The following BDH1 variants were observed in gnomAD, a reference collection of about 807,000 sequenced individuals.
The protein encoded by BDH1 is 3-hydroxybutyrate dehydrogenase 1.
BDH1 carries 30 observed loss-of-function variants against 33.1 expected under a neutral mutation model. That is an observed-to-expected ratio of 0.91 (90% CI 0.68 to 1.23). The LOEUF is 1.23. BDH1 is among the 50% of genes most tolerant of loss of function. The pLI is 0.00. For missense variants in BDH1, 443 were observed against 464.4 expected, an observed-to-expected ratio of 0.95 and a Z score of 0.42; for synonymous variants, 190 against 183.6, an observed-to-expected ratio of 1.03 and a Z score of -0.28.
chr3:197,527,044 C>T (rs549005018), intron 5 of BDH1, among the ~76,000 whole-genome samples: 17 of 152,342 alleles, frequency 1.1e-4, no homozygotes, highest in African/African-American at 4.1e-4. Flanking sequence ...AGCCAATGAG[C>T]TGATTCTGGC....
chr3:197,519,751 C>T (rs564115922), intron 6 of BDH1, among the ~76,000 whole-genome samples: 9 of 152,214 alleles, frequency 5.9e-5, no homozygotes, highest in African/African-American at 1.2e-4. Context: ...GGCCTGCTCT[C>T]GGGCCCACTG....
rs1712519579 is a variant in BDH1 at position 197,514,853 on chromosome 3, C to G, written c.410-437G>C. 6.6e-6 allele frequency among the ~76,000 whole-genome samples: 1 copy of G among 152,224 alleles called. No homozygotes were observed. Among genetic ancestry groups the G allele is most frequent in the Admixed American group, 6.5e-5 (1 of 15,286 alleles). On this transcript the variant is annotated intron_variant, in intron 6 of 7. Transcript: ENST00000392379. This position sits in a 1 kb window ranked among gnomAD's most constrained non-coding sequence, Gnocchi z 4.2. Reference sequence around the variant, plus strand: ...ACGTCTTCTCTTCTCTTGCCAGAAGCCAGGGAAATCACAGGGGAGGTGGGC... The same window carrying G: ...ACGTCTTCTCTTCTCTTGCCAGAAGGCAGGGAAATCACAGGGGAGGTGGGC...
chr3:197,515,359 G>T lies in BDH1; in HGVS notation c.410-943C>A, dbSNP rs1031473388. The stretch of plus-strand genomic sequence containing the variant: ...TGTCTCCCTGCTCTAGGTCTCACCT[G>T]TGACCTCGCTCAGATGCTAATGACA... On this transcript the variant is annotated intron_variant, in intron 6 of 7. Coordinates refer to ENST00000392379, the MANE Select transcript of BDH1 (RefSeq NM_203314.3). 3 of 985,574 alleles carry T rather than the reference G, an allele frequency of 3.0e-6. No homozygotes were observed. The African/African-American group carries it at 5.2e-5, about 17-fold the overall frequency. The allele number at this position is 985,574 out of a possible 1,614,324, so 61.1% of individuals were successfully genotyped here.
In BDH1 at chr3:197,523,105, C is replaced by T. The variant is rs1298507636; in HGVS notation, c.268-324G>A. 8 of 316,356 alleles carry T rather than the reference C, an allele frequency of 2.5e-5. No individual in the cohort carries two copies. The highest frequency in any genetic ancestry group is 4.6e-5 in the Non-Finnish European group (8 of 174,472). 19.6% of individuals were successfully genotyped at this position (316,356 alleles called of 1,614,324 possible). A position where few individuals can be genotyped will look rare whatever the true frequency, so the allele number is the denominator to read the frequency against. ...GGCGGGGGCCCTGGGGAGTACAGGACATGTCAGGAATTACCACGTGGGGAT... is the reference window on the plus strand; with the variant it reads ...GGCGGGGGCCCTGGGGAGTACAGGATATGTCAGGAATTACCACGTGGGGAT... On this transcript the variant is annotated intron_variant, in intron 5 of 7. Coordinates refer to ENST00000392379, the MANE Select transcript of BDH1 (RefSeq NM_203314.3). The surrounding 1 kb of genome is among the most constrained non-coding windows in gnomAD (Gnocchi z 4.5).
At position 197,526,994 on chromosome 3, in the gene BDH1, G is replaced by T. The variant is rs1343855533; in HGVS notation, c.268-4213C>A. ...AGCACACTAACAACTCTTTCCAGTC[G>T]CTCAACCTCTTCTATTTCCATTTCT... On this transcript the variant is annotated intron_variant, in intron 5 of 7. Transcript: ENST00000392379. The surrounding 1 kb of genome is among the most constrained non-coding windows in gnomAD (Gnocchi z 4.7). Among the ~76,000 whole-genome samples the T allele has an allele frequency of 6.6e-6, 1 of 152,150 alleles. No homozygotes were observed. Among genetic ancestry groups the T allele is most frequent in the Non-Finnish European group, 1.5e-5 (1 of 68,032 alleles).
Position 197,522,016 on chromosome 3 carries a change from C to T in BDH1, c.409+624G>A, listed in dbSNP as rs1451198880. On this transcript the variant is annotated intron_variant, in intron 6 of 7. Transcript: ENST00000392379. The surrounding 1 kb of genome is among the most constrained non-coding windows in gnomAD (Gnocchi z 4.8). Reference sequence around the variant, plus strand: ...CCCCAACCTCCTTTGCTGCCACCCCCTCTGCGTGACCTGACCCATGACTCA... The same window carrying T: ...CCCCAACCTCCTTTGCTGCCACCCCTTCTGCGTGACCTGACCCATGACTCA... 6.6e-6 allele frequency among the ~76,000 whole-genome samples: 1 copy of T among 152,160 alleles called. No individual in the cohort carries two copies. The highest frequency in any genetic ancestry group is 2.4e-5 in the African/African-American group (1 of 41,416).
intron 1 of BDH1, among the ~76,000 whole-genome samples, chr3:197,563,652 A>G (rs1717338530): frequency 6.6e-6 from 1 of 152,248 alleles, no homozygotes; most frequent in Non-Finnish European, 1.5e-5. Flanking sequence ...ATTTCATTAT[A>G]TGGGTATTTT....
rs376688866 is a variant in BDH1 at position 197,532,459 on chromosome 3, G to A, written c.220C>T (p.His74Tyr). The stretch of plus-strand genomic sequence containing the variant: ...ACAAGGAAGCCTTTTGAATGCAGAT[G>A]CTTGGCCAATGAGAACCCAAATCCA... ...DSGFGFSLAK[H>Y]LHSKGFLVFA... is the part of the protein sequence containing the mutation. Residue 74 changes from histidine to tyrosine, a missense_variant, in exon 5 of 8, where the codon CAT becomes TAT. Transcript: ENST00000392379. 26 of 1,614,112 alleles carry A rather than the reference G, an allele frequency of 1.6e-5. No individual in the cohort carries two copies. Among genetic ancestry groups the A allele is most frequent in the Non-Finnish European group, 2.0e-5 (24 of 1,180,036 alleles).
At chr3:197,543,310 T>C (rs888335797) in intron 3 of BDH1, 1 of 424,634 alleles carries the variant, frequency 2.4e-6, no homozygotes, top group Non-Finnish European at 3.1e-6. Flanking sequence ...AAAGAAGCTA[T>C]GTGAGCCTAG....
chr3:197,545,523 T>C (rs1716002164), intron 3 of BDH1, among the ~76,000 whole-genome samples: 3 of 152,156 alleles, frequency 2.0e-5, no homozygotes. Context: ...GTCAAGGTCG[T>C]GAGCGAAAAA....
intron 2 of BDH1, among the ~76,000 whole-genome samples, chr3:197,550,222 G>A (rs545800714): frequency 2.6e-5 from 4 of 152,244 alleles, no homozygotes; most frequent in Non-Finnish European, 4.4e-5. Context: ...CACCACCACT[G>A]TATCATACAT....
At position 197,554,715 on chromosome 3, in the gene BDH1, T is replaced by A. The variant is rs1271828334; in HGVS notation, c.-195-2A>T. On this transcript the variant is annotated splice_acceptor_variant, in intron 1 of 7. Transcript: ENST00000392379. LOFTEE classifies it low-confidence loss of function (5UTR_SPLICE). This position sits in a 1 kb window ranked among gnomAD's most constrained non-coding sequence, Gnocchi z 4.4. Reference sequence around the variant, plus strand: ...CAGGCAGATTTCCAGGCTGACTGGCTGGAAAAGAAAAAAAAAAAACGCGGA... The same window carrying A: ...CAGGCAGATTTCCAGGCTGACTGGCAGGAAAAGAAAAAAAAAAAACGCGGA... The A allele has an allele frequency of 6.7e-6, 1 of 149,816 alleles. No homozygotes were observed. The highest frequency in any genetic ancestry group is 1.5e-5 in the Non-Finnish European group (1 of 67,498). The allele number at this position is 149,816 out of a possible 1,614,324, so 9.3% of individuals were successfully genotyped here.
Position 197,533,505 on chromosome 3 carries a change from G to T in BDH1, c.140C>A (p.Ala47Asp). 10 of 1,614,244 alleles carry T rather than the reference G, an allele frequency of 6.2e-6. No individual in the cohort carries two copies. Among genetic ancestry groups the T allele is most frequent in the Non-Finnish European group, 8.5e-6 (10 of 1,180,034 alleles). The change falls in exon 4 of 8, where the codon GCC becomes GAC. Residue 47 changes from alanine to aspartate, a missense_variant. Ala to Asp is a moderately radical substitution (Grantham distance 126, BLOSUM62 -2). Coordinates refer to ENST00000392379, the MANE Select transcript of BDH1 (RefSeq NM_203314.3). ...TCCACTCACCGGCTCCGCCGCACTG[G>T]CATAAGTCCGACGGCCAATCGGGAT... ...SFIPIGRRTYASAAEPVGSKA... is the reference protein window; with the variant it reads ...SFIPIGRRTYDSAAEPVGSKA...
At chr3:197,548,364 T>C (rs890651817) in intron 2 of BDH1, among the ~76,000 whole-genome samples, 1 of 152,218 alleles carries the variant, frequency 6.6e-6, no homozygotes. Flanking sequence ...GACCAGAGTC[T>C]GAGGTCACCA....
rs184851545 is a variant in BDH1, at chr3:197,549,307, G to A, written c.-43-2821C>T. On this transcript the variant is annotated intron_variant, in intron 2 of 7. Transcript: ENST00000392379. ...CACTTGGGGCTTCTCTCAAGGGCCC[G>A]CTCCACTGTCAAGGTATAACACATG... Among the ~76,000 whole-genome samples, 10 of 152,244 alleles carry A rather than the reference G, an allele frequency of 6.6e-5. No individual in the cohort carries two copies. The East Asian group carries it at 1.2e-3, about 18-fold the overall frequency.
chr3:197,542,135 T>A (rs1715685749), intron 3 of BDH1, among the ~76,000 whole-genome samples: 1 of 152,264 alleles, frequency 6.6e-6, no homozygotes, highest in Non-Finnish European at 1.5e-5. Context: ...CTGCCTGGAC[T>A]GAGGCTGGAG....
chr3:197,547,510 G>A (rs1193183494), intron 2 of BDH1, among the ~76,000 whole-genome samples: 1 of 152,240 alleles, frequency 6.6e-6, no homozygotes, highest in Non-Finnish European at 1.5e-5. Flanking sequence ...AGGTGGAGGC[G>A]TTTAATCTGT....
chr3:197,539,911 C>T (rs370384666), intron 3 of BDH1, among the ~76,000 whole-genome samples: 13 of 152,206 alleles, frequency 8.5e-5, no homozygotes, highest in East Asian at 5.8e-4. Flanking sequence ...GCCGGCTCTG[C>T]GTGAATTACT....
chr3:197,551,725 C>A (rs1716587015), intron 2 of BDH1, among the ~76,000 whole-genome samples: 1 of 152,058 alleles, frequency 6.6e-6, no homozygotes, highest in Admixed American at 6.6e-5. Context: ...CAGTTTTGAC[C>A]CCTATTCTGA....
Sources: gnomAD v4.1 joint callset for allele counts (sites outside exome capture counted in the v4.1 genomes callset) on GRCh38, gnomAD v4.1.1 for gene constraint, Gnocchi (gnomAD v3.1) non-coding constraint, MANE v1.5 for transcripts, NCBI Gene and HGNC (gene_info 2026-07-23, HGNC 2026-07-21) for gene names.